Variants in MOB3B observed in about 807,000 individuals in gnomAD.
The protein encoded by MOB3B is MOB kinase activator-like 2B.
MOB3B carries 7 observed loss-of-function variants against 18.7 expected under a neutral mutation model. The observed-to-expected ratio is 0.37, with a 90% CI of 0.21 to 0.70. The LOEUF (loss-of-function observed/expected upper bound fraction) is 0.70, where lower values mean the gene tolerates loss of function less well. Among genes scored for constraint, MOB3B ranks in the 30% least tolerant of loss-of-function variants. MOB3B has a pLI of 0.52. For synonymous variants in MOB3B, 111 were observed against 99.9 expected (o/e 1.11, Z -0.66); for missense variants, 253 against 281.3 (o/e 0.90, Z 0.72).
chr9:27,386,261 G>C (rs1032141586), intron 2 of MOB3B, among the ~76,000 whole-genome samples: 5 of 152,200 alleles, frequency 3.3e-5, no homozygotes, highest in African/African-American at 1.2e-4. Flanking sequence ...TATATCATGG[G>C]ATTGAGGGGT....
chr9:27,372,876 A>G (rs913196373), intron 2 of MOB3B, among the ~76,000 whole-genome samples: 1 of 152,220 alleles, frequency 6.6e-6, no homozygotes, highest in African/African-American at 2.4e-5. Flanking sequence ...AGTAGTGTTC[A>G]TGTGTTAGTT....
intron 1 of MOB3B, among the ~76,000 whole-genome samples, chr9:27,493,818 TAC>T (rs1209159963): frequency 6.6e-6 from 1 of 152,140 alleles, no homozygotes; most frequent in Non-Finnish European, 1.5e-5. Flanking sequence ...GTTTGAGCAA[TAC>T]GAAATCTGGG....
chr9:27,528,201 G>A (rs1013082044), intron 1 of MOB3B, among the ~76,000 whole-genome samples: 1 of 152,152 alleles, frequency 6.6e-6, no homozygotes, highest in Admixed American at 6.5e-5. Flanking sequence ...TTCTCTTTTT[G>A]GCGACTAGCC....
At position 27,330,539 on chromosome 9, in the gene MOB3B, C is replaced by T. The variant is rs1240560566; in HGVS notation, c.*48G>A. On this transcript the variant is annotated 3_prime_UTR_variant, in exon 4 of 4. Coordinates refer to ENST00000262244, the MANE Select transcript of MOB3B (RefSeq NM_024761.5). ...TGGTCCACCTCCTGCCCGCTCAGGG[C>T]ACCAGGAGGAAACAGCTTTCCTTTC... 3 of 1,612,958 alleles carry T rather than the reference C, an allele frequency of 1.9e-6. No homozygotes were observed. Among genetic ancestry groups the T allele is most frequent in the Non-Finnish European group, 2.5e-6 (3 of 1,179,508 alleles).
intron 2 of MOB3B, among the ~76,000 whole-genome samples, chr9:27,370,352 T>C (rs1821398724): frequency 6.6e-6 from 1 of 151,900 alleles, no homozygotes; most frequent in Admixed American, 6.5e-5. Flanking sequence ...GTACTAAAAA[T>C]ACAAAATTAG....
At chr9:27,490,267 T>C (rs1228926486) in intron 1 of MOB3B, among the ~76,000 whole-genome samples, 1 of 152,084 alleles carries the variant, frequency 6.6e-6, no homozygotes, top group Non-Finnish European at 1.5e-5. Context: ...TTCTAGACCC[T>C]GGGGAGAAAA....
chr9:27,406,120 C>T (rs2150335), intron 2 of MOB3B, among the ~76,000 whole-genome samples: 1 of 152,232 alleles, frequency 6.6e-6, no homozygotes, highest in Non-Finnish European at 1.5e-5. Context: ...AATCAGAAAA[C>T]AATGAAGTCA....
intron 2 of MOB3B, among the ~76,000 whole-genome samples, chr9:27,373,110 C>T (rs1394797484): frequency 3.9e-5 from 6 of 152,232 alleles, no homozygotes; most frequent in African/African-American, 1.4e-4. Context: ...TACGCACTAA[C>T]ATTTCTGTCT....
At chr9:27,457,022 C>T (rs1289787427) in intron 1 of MOB3B, among the ~76,000 whole-genome samples, 1 of 152,180 alleles carries the variant, frequency 6.6e-6, no homozygotes, top group Non-Finnish European at 1.5e-5. Context: ...TAGTGGGTAT[C>T]ATTCTTCCTG....
rs531231355 is a variant in MOB3B at position 27,377,889 on chromosome 9, C to G, written c.419-18653G>C. Among the ~76,000 whole-genome samples the G allele has an allele frequency of 8.9e-4, 135 of 152,328 alleles. 2 individuals carry two copies. Among genetic ancestry groups the G allele is most frequent in the African/African-American group, 3.1e-3 (130 of 41,576 alleles). ...ACGTTCATTTGAACCCTAGGTCCCC[C>G]ACAGGGGGTTGAAGGGCAGGGTGAT... On this transcript the variant is annotated intron_variant, in intron 2 of 3. Transcript: ENST00000262244.
intron 2 of MOB3B, among the ~76,000 whole-genome samples, chr9:27,440,734 T>C (rs972582405): frequency 6.6e-6 from 1 of 152,054 alleles, no homozygotes; most frequent in Admixed American, 6.5e-5. Flanking sequence ...AGATTCATTT[T>C]TTTTTTAAAG....
chr9:27,335,461 G>C (rs1361499914), intron 3 of MOB3B, among the ~76,000 whole-genome samples: 1 of 152,152 alleles, frequency 6.6e-6, no homozygotes, highest in African/African-American at 2.4e-5. Context: ...GGATTTCTTA[G>C]AGCTGGCTTG....
chr9:27,462,367 G>A (rs1050635886), intron 1 of MOB3B, among the ~76,000 whole-genome samples: 25 of 152,110 alleles, frequency 1.6e-4, no homozygotes, highest in African/African-American at 5.3e-4. Flanking sequence ...AGTCAGGTGA[G>A]GGTAGAAGAA....
chr9:27,391,503 T>C (rs929227745), intron 2 of MOB3B, among the ~76,000 whole-genome samples: 1 of 152,252 alleles, frequency 6.6e-6, no homozygotes, highest in African/African-American at 2.4e-5. Context: ...GCTATTCATG[T>C]GCAAAATGTG....
intron 2 of MOB3B, among the ~76,000 whole-genome samples, chr9:27,450,756 A>G (rs976743845): frequency 8.5e-5 from 13 of 152,248 alleles, no homozygotes; most frequent in Non-Finnish European, 1.9e-4. Context: ...AATATGTATT[A>G]GCTGTACAAC....
intron 2 of MOB3B, among the ~76,000 whole-genome samples, chr9:27,362,496 G>A (rs1293256302): frequency 5.3e-5 from 8 of 152,156 alleles, no homozygotes; most frequent in Admixed American, 5.2e-4. Flanking sequence ...AACTCCTCGG[G>A]TAGGTAGGAC....
At chr9:27,506,643 G>T (rs896427977) in intron 1 of MOB3B, among the ~76,000 whole-genome samples, 2 of 151,380 alleles carry the variant, frequency 1.3e-5, no homozygotes, top group African/African-American at 4.9e-5. Flanking sequence ...GCAATTCTCT[G>T]CCTCAGCCTC....
intron 2 of MOB3B, among the ~76,000 whole-genome samples, chr9:27,388,875 C>T (rs939644539): frequency 3.9e-5 from 6 of 152,116 alleles, no homozygotes; most frequent in African/African-American, 1.4e-4. Flanking sequence ...CAGATCCTAT[C>T]GATGCCACTC....
At chr9:27,453,378 G>C (rs2131447053) in intron 2 of MOB3B, among the ~76,000 whole-genome samples, 1 of 152,272 alleles carries the variant, frequency 6.6e-6, no homozygotes, top group South Asian at 2.1e-4. Flanking sequence ...GGGTAGAGCT[G>C]AAACAGAGGA....
Sources: allele counts gnomAD v4.1 joint callset (sites outside exome capture counted in the v4.1 genomes callset), GRCh38; gene constraint gnomAD v4.1.1; transcripts MANE v1.5; gene names NCBI Gene and HGNC (gene_info 2026-07-23, HGNC 2026-07-21).